Variants in MAF observed in about 807,000 individuals in gnomAD.
MAF encodes the protein MAF bZIP transcription factor, also known as transcription factor Maf.
Under a neutral mutation model 22.0 loss-of-function variants are expected in MAF, and 10 were observed. The observed-to-expected ratio is 0.45, with a 90% confidence interval of 0.28 to 0.77. The LOEUF (loss-of-function observed/expected upper bound fraction) is 0.77. MAF is among the 30% of genes least tolerant of loss of function. MAF has a pLI of 0.12. For synonymous variants in MAF, 337 were observed against 255.8 expected (o/e 1.32, Z -3.03); for missense variants, 544 against 548.4 (o/e 0.99, Z 0.08).
At chr16:79,558,360 C>G in the MAF span, among the ~76,000 whole-genome samples, 81 of 152,310 alleles carry the variant, frequency 5.3e-4, no homozygotes, top group African/African-American at 1.6e-3. Flanking sequence ...GGTCCATCAA[C>G]CCACTGTCAA....
chr16:79,580,009 C>T, the MAF span, among the ~76,000 whole-genome samples: 1 of 152,108 alleles, frequency 6.6e-6, no homozygotes, highest in Non-Finnish European at 1.5e-5. Context: ...TTACCCCTCT[C>T]AAACAAAATA....
At chr16:79,242,764 C>G in the MAF span, among the ~76,000 whole-genome samples, 5 of 152,048 alleles carry the variant, frequency 3.3e-5, no homozygotes, top group Non-Finnish European at 5.9e-5. Flanking sequence ...CTTTTCAGCA[C>G]CACATTGCAC....
chr16:79,230,481 G>T, the MAF span, among the ~76,000 whole-genome samples: 1 of 152,170 alleles, frequency 6.6e-6, no homozygotes, highest in East Asian at 1.9e-4. Context: ...AGCAAATTAG[G>T]TAAGACCATT....
the MAF span, among the ~76,000 whole-genome samples, chr16:79,428,861 T>TAATAATAATA: frequency 6.7e-6 from 1 of 150,302 alleles, no homozygotes; most frequent in East Asian, 2.0e-4. Context: ...ATAATAATAA[T>TAATAATAATA]AATAATAATA....
At chr16:79,405,191 A>T in the MAF span, among the ~76,000 whole-genome samples, 2 of 152,110 alleles carry the variant, frequency 1.3e-5, no homozygotes, top group African/African-American at 4.8e-5. Context: ...ACCCCAGGGG[A>T]GAAGGGAATG....
the MAF span, among the ~76,000 whole-genome samples, chr16:79,362,917 T>C: frequency 6.6e-6 from 1 of 152,228 alleles, no homozygotes; most frequent in South Asian, 2.1e-4. Context: ...GTATATCCTT[T>C]TTTTATGATT....
chr16:79,528,308 C>A, the MAF span, among the ~76,000 whole-genome samples: 1 of 152,240 alleles, frequency 6.6e-6, no homozygotes, highest in South Asian at 2.1e-4. Context: ...GTATGATGTT[C>A]TAGAATCACA....
the MAF span, among the ~76,000 whole-genome samples, chr16:79,535,479 T>C: frequency 2.6e-5 from 4 of 150,968 alleles, no homozygotes; most frequent in African/African-American, 9.8e-5. Context: ...TATCTTTGGA[T>C]CCAGGAAGGA....
the MAF span, among the ~76,000 whole-genome samples, chr16:79,390,527 T>C: frequency 1.3e-5 from 2 of 152,166 alleles, no homozygotes; most frequent in African/African-American, 4.8e-5. Context: ...AAAATGTGAG[T>C]TATCTTTTTA....
the MAF span, among the ~76,000 whole-genome samples, chr16:79,239,412 G>A: frequency 5.3e-5 from 8 of 152,020 alleles, no homozygotes; most frequent in African/African-American, 1.9e-4. Context: ...TCCAACTTGA[G>A]GCTGTTGGTG....
At chr16:79,298,759 C>A in the MAF span, among the ~76,000 whole-genome samples, 5 of 152,206 alleles carry the variant, frequency 3.3e-5, no homozygotes, top group Non-Finnish European at 5.9e-5. Context: ...CAGGGCAGAG[C>A]GGACGTGACG....
chr16:79,233,298 G>A, the MAF span, among the ~76,000 whole-genome samples: 1 of 152,012 alleles, frequency 6.6e-6, no homozygotes, highest in East Asian at 1.9e-4. Flanking sequence ...TCAACAACTG[G>A]AAATGCAGAG....
chr16:79,340,243 C>T, the MAF span, among the ~76,000 whole-genome samples: 1 of 151,978 alleles, frequency 6.6e-6, no homozygotes, highest in Admixed American at 6.5e-5. Flanking sequence ...AGAGCAGCAC[C>T]TTCTCTACCT....
chr16:79,571,664 C>G, the MAF span, among the ~76,000 whole-genome samples: 1 of 150,038 alleles, frequency 6.7e-6, no homozygotes, highest in Non-Finnish European at 1.5e-5. Context: ...GGGTTCAAAT[C>G]TCTCTATCCT....
At chr16:79,402,037 G>A in the MAF span, among the ~76,000 whole-genome samples, 1 of 152,088 alleles carries the variant, frequency 6.6e-6, no homozygotes, top group South Asian at 2.1e-4. Flanking sequence ...CTACTAAGTG[G>A]CTAGAAACAT....
the MAF span, among the ~76,000 whole-genome samples, chr16:79,541,655 T>A: frequency 6.6e-6 from 1 of 151,064 alleles, no homozygotes; most frequent in African/African-American, 2.4e-5. Flanking sequence ...CTACTAGGGT[T>A]TTTTTAGTTT....
chr16:79,484,875 GC>G, the MAF span, among the ~76,000 whole-genome samples: 2 of 152,186 alleles, frequency 1.3e-5, no homozygotes, highest in African/African-American at 4.8e-5. Context: ...TGAAGGTCTG[GC>G]CTCCCAGCAG....
chr16:79,303,126 G>A, the MAF span, among the ~76,000 whole-genome samples: 2 of 152,178 alleles, frequency 1.3e-5, no homozygotes, highest in East Asian at 3.9e-4. Flanking sequence ...GGGAGAGAGG[G>A]GGTGGGAGGC....
chr16:79,333,150 C>T, the MAF span, among the ~76,000 whole-genome samples: 383 of 152,204 alleles, frequency 2.5e-3, 1 homozygote, highest in Middle Eastern at 6.8e-3. Context: ...CCCATCTCAG[C>T]GGGTGATGGC....
Sources: gnomAD v4.1 joint callset for allele counts (sites outside exome capture counted in the v4.1 genomes callset) on GRCh38, gnomAD v4.1.1 for gene constraint, MANE v1.5 for transcripts, NCBI Gene and HGNC (gene_info 2026-07-23, HGNC 2026-07-21) for gene names.